IL1RAPL2: variants seen among roughly 807,000 people sequenced by gnomAD.
The protein encoded by IL1RAPL2 is interleukin 1 receptor accessory protein like 2.
Under a neutral mutation model 44.1 loss-of-function variants are expected in IL1RAPL2, and 3 were observed. The observed-to-expected ratio is 0.07, with a 90% CI of 0.03 to 0.18. IL1RAPL2 has a LOEUF of 0.18. Ranked by LOEUF, IL1RAPL2 falls within the 10% of genes least tolerant of loss-of-function variation. The pLI is 1.00. For missense variants in IL1RAPL2, 391 were observed against 496.4 expected, an observed-to-expected ratio of 0.79 and a Z score of 2.02; for synonymous variants, 181 against 178.8, an observed-to-expected ratio of 1.01 and a Z score of -0.10.
rs1308964772 is a variant in IL1RAPL2, at chrX:105,078,286, A to G, written c.83-117189A>G. ...CTTAGCTGCAGGTGTGTTGGAGTTT[A>G]CTGGAGGTCCACTCCAGACCCTGTT... On this transcript the variant is annotated intron_variant, in intron 2 of 10. Coordinates refer to ENST00000372582, the MANE Select transcript of IL1RAPL2 (RefSeq NM_017416.2). 4.5e-5 allele frequency among the ~76,000 whole-genome samples: 5 copies of G among 111,807 alleles called. No individual in the cohort carries two copies. In the East Asian group the frequency reaches 1.4e-3, roughly 32 times the overall value.
chrX:105,450,437 T>C (rs765871511), intron 5 of IL1RAPL2, among the ~76,000 whole-genome samples: 2 of 111,967 alleles, frequency 1.8e-5, no homozygotes, highest in Non-Finnish European at 3.8e-5. Context: ...GGTGTAGGCT[T>C]CTATTCTGTC....
intron 1 of IL1RAPL2, among the ~76,000 whole-genome samples, chrX:104,650,853 G>C (rs746428407): frequency 2.6e-4 from 29 of 111,655 alleles, no homozygotes; most frequent in Non-Finnish European, 5.1e-4. Context: ...TTCAGTAGTG[G>C]TTAAGAGATT....
intron 5 of IL1RAPL2, among the ~76,000 whole-genome samples, chrX:105,329,152 T>A (rs2147692829): frequency 1.8e-5 from 2 of 112,510 alleles, no homozygotes; most frequent in South Asian, 3.7e-4. Flanking sequence ...TCAACAGAAC[T>A]GATACATTGT....
At chrX:105,460,900 G>A (rs896518763) in intron 5 of IL1RAPL2, among the ~76,000 whole-genome samples, 4 of 111,538 alleles carry the variant, frequency 3.6e-5, no homozygotes, top group Non-Finnish European at 7.5e-5. Context: ...ATAAAGCCAT[G>A]TCTGTGTACA....
chrX:104,956,109 G>A (rs1051664073), intron 2 of IL1RAPL2, among the ~76,000 whole-genome samples: 2 of 112,140 alleles, frequency 1.8e-5, no homozygotes, highest in Admixed American at 9.5e-5. Flanking sequence ...ATTCAAAAGA[G>A]CCTGATCTCT....
intron 2 of IL1RAPL2, among the ~76,000 whole-genome samples, chrX:105,179,368 T>C (rs2033506215): frequency 8.9e-6 from 1 of 112,216 alleles, no homozygotes; most frequent in Non-Finnish European, 1.9e-5. Context: ...TGTATACCAG[T>C]GTCATGCTGT....
intron 1 of IL1RAPL2, among the ~76,000 whole-genome samples, chrX:104,621,404 G>A (rs1346443921): frequency 9.1e-6 from 1 of 109,409 alleles, no homozygotes; most frequent in East Asian, 2.9e-4. Flanking sequence ...GACCAGCTTG[G>A]TGACCTGCAT....
intron 2 of IL1RAPL2, among the ~76,000 whole-genome samples, chrX:104,948,028 A>T (rs1334738578): frequency 9.0e-6 from 1 of 110,741 alleles, no homozygotes; most frequent in Non-Finnish European, 1.9e-5. Context: ...TTTTCACAAT[A>T]TTGATTCTTC....
chrX:104,906,154 T>C (rs1468727750), intron 2 of IL1RAPL2, among the ~76,000 whole-genome samples: 17 of 111,329 alleles, frequency 1.5e-4, no homozygotes, highest in African/African-American at 5.2e-4. Flanking sequence ...ACATTGATTT[T>C]GTATCCTGAG....
intron 1 of IL1RAPL2, among the ~76,000 whole-genome samples, chrX:104,609,273 C>T (rs1480529916): frequency 8.9e-6 from 1 of 111,873 alleles, no homozygotes; most frequent in Non-Finnish European, 1.9e-5. Context: ...TTCTCTCTGG[C>T]TGCCCTTAAC....
chrX:105,050,673 T>C (rs746373405), intron 2 of IL1RAPL2, among the ~76,000 whole-genome samples: 3 of 111,778 alleles, frequency 2.7e-5, no homozygotes, highest in South Asian at 7.5e-4. Context: ...GTGTCCCAGG[T>C]CCAGGAAGAA....
At chrX:104,673,176 C>T (rs1006822055) in intron 2 of IL1RAPL2, among the ~76,000 whole-genome samples, 58 of 111,542 alleles carry the variant, frequency 5.2e-4, no homozygotes, top group African/African-American at 1.9e-3. Context: ...CTTGCCCATG[C>T]CTATGTCCTG....
At chrX:104,856,100 A>G (rs1922358476) in intron 2 of IL1RAPL2, among the ~76,000 whole-genome samples, 1 of 111,773 alleles carries the variant, frequency 8.9e-6, no homozygotes, top group Non-Finnish European at 1.9e-5. Flanking sequence ...TCAGCATGGT[A>G]ATGTAATTAG....
intron 2 of IL1RAPL2, among the ~76,000 whole-genome samples, chrX:104,965,968 A>G (rs1412893603): frequency 9.0e-6 from 1 of 111,137 alleles, no homozygotes; most frequent in Non-Finnish European, 1.9e-5. Context: ...AAAAAGTAAG[A>G]TTAGGAGAGA....
chrX:105,518,553 T>A (rs184375540), intron 6 of IL1RAPL2, among the ~76,000 whole-genome samples: 128 of 111,655 alleles, frequency 1.1e-3, no homozygotes, highest in Non-Finnish European at 7.7e-4. Context: ...TCAGCTAGTA[T>A]CCCATTAGAC....
intron 1 of IL1RAPL2, among the ~76,000 whole-genome samples, chrX:104,638,085 A>G (rs1402990799): frequency 2.7e-5 from 3 of 111,040 alleles, no homozygotes; most frequent in African/African-American, 6.6e-5. Context: ...TCCTGATTCA[A>G]TCTTGGTAAG....
intron 5 of IL1RAPL2, among the ~76,000 whole-genome samples, chrX:105,293,410 A>G (rs954004249): frequency 4.5e-5 from 5 of 111,723 alleles, no homozygotes; most frequent in Non-Finnish European, 7.5e-5. Flanking sequence ...TGAAAGGAGA[A>G]TTGCTGGATC....
intron 1 of IL1RAPL2, among the ~76,000 whole-genome samples, chrX:104,639,137 T>G (rs896707484): frequency 3.6e-5 from 4 of 112,215 alleles, no homozygotes; most frequent in African/African-American, 1.3e-4. Context: ...TAACTACTTT[T>G]GATTTCAAGT....
chrX:105,286,869 GAACA>G (rs2034576129), intron 5 of IL1RAPL2, among the ~76,000 whole-genome samples: 1 of 111,432 alleles, frequency 9.0e-6, no homozygotes, highest in Non-Finnish European at 1.9e-5. Flanking sequence ...TTTGTTGAAT[GAACA>G]AATAAAATCC....
Sources: gnomAD v4.1 joint callset for allele counts (sites outside exome capture counted in the v4.1 genomes callset) on GRCh38, gnomAD v4.1.1 for gene constraint, MANE v1.5 for transcripts, NCBI Gene and HGNC (gene_info 2026-07-23, HGNC 2026-07-21) for gene names.